ZNF276: variants seen among roughly 807,000 people sequenced by gnomAD.
ZNF276 encodes centromere protein Z.
Under a neutral mutation model 63.9 loss-of-function variants are expected in ZNF276, and 59 were observed. The ratio of observed to expected loss-of-function variants is 0.92; its 90% confidence interval spans 0.75 to 1.15. The LOEUF (loss-of-function observed/expected upper bound fraction) is 1.15, where lower values mean the gene tolerates loss of function less well. Ranked by LOEUF, ZNF276 falls within the 50% of genes most tolerant of loss-of-function variation. The probability of loss-of-function intolerance (pLI) is 0.00; values close to 1 mark genes in which losing one functional copy is unlikely to be tolerated. For synonymous variants in ZNF276, 496 were observed against 348.4 expected (o/e 1.42, Z -4.72); for missense variants, 1,084 against 843.8 (o/e 1.28, Z -3.53).
Position 89,738,144 on chromosome 16 carries a change from G to C in ZNF276, c.1743G>C (p.Gln581His), listed in dbSNP as rs1220214389. 2 of 1,613,686 alleles carry C rather than the reference G, an allele frequency of 1.2e-6. No individual in the cohort carries two copies. ...VHMSMVHPLT[Q>H]TQDKALPLEA... ...TGTCCATGGTGCACCCGCTGACACA[G>C]ACCCAGGACAAGGCCCTGCCCCTGG... The change falls in exon 11 of 11, where the codon CAG becomes CAC. Residue 581 changes from glutamine (Q) to histidine (H), a missense_variant. Transcript: ENST00000443381.
In ZNF276 at chr16:89,739,215, A is replaced by T. The variant is rs745688750; in HGVS notation, c.*969A>T. On this transcript the variant is annotated 3_prime_UTR_variant, in exon 11 of 11. Coordinates refer to ENST00000443381, the MANE Select transcript of ZNF276 (RefSeq NM_001113525.2). ...AGCCACGAAGAGCTGGACCAGCTTC[A>T]AGTACATGTCCACAGCAACATGCAG... The T allele has an allele frequency of 3.7e-6, 6 of 1,614,152 alleles. No individual in the cohort carries two copies. The South Asian group carries it at 6.6e-5, about 18-fold the overall frequency.
intron 9 of ZNF276, among the ~76,000 whole-genome samples, chr16:89,734,417 C>T (rs1230545104): frequency 1.3e-5 from 2 of 152,180 alleles, no homozygotes; most frequent in African/African-American, 4.8e-5. Context: ...CCTCTGCCTC[C>T]CAGGTTCAAT....
At chr16:89,734,146 A>C in intron 9 of ZNF276, 108 bp downstream of exon 9, 1 of 1,025,872 alleles carries the variant, frequency 9.7e-7, no homozygotes, top group South Asian at 1.5e-5. Context: ...GGGTGCGTGA[A>C]GGTGGCTCAT....
At position 89,723,649 on chromosome 16, in the gene ZNF276, G is replaced by T; in HGVS notation, c.946G>T (p.Ala316Ser). ...DVAQPPSDSD[A>S]VGPRSGFPPQ... ...GGCCCAGCCTCCTTCGGACAGCGAC[G>T]CGGTGGGGCCCAGGTCGGGCTTCCC... Residue 316 changes from alanine to serine, a missense_variant, in exon 4 of 11, where the codon GCG becomes TCG. By Grantham distance (99) the Ala-to-Ser change is moderately conservative. Coordinates refer to ENST00000443381, the MANE Select transcript of ZNF276 (RefSeq NM_001113525.2). The T allele has an allele frequency of 6.2e-7, 1 of 1,612,602 alleles. No individual in the cohort carries two copies. The highest frequency in any genetic ancestry group is 8.5e-7 in the Non-Finnish European group (1 of 1,179,982).
At chr16:89,730,442 G>C (rs1567574775) in intron 6 of ZNF276, among the ~76,000 whole-genome samples, 1 of 152,146 alleles carries the variant, frequency 6.6e-6, no homozygotes, top group Non-Finnish European at 1.5e-5. Context: ...GCTGGGAGCT[G>C]GGATGGGAGG....
In ZNF276 at chr16:89,739,017, G is replaced by C. The variant is rs748472421; in HGVS notation, c.*771G>C. 2.4e-5 allele frequency: 39 copies of C among 1,614,076 alleles called. No homozygotes were observed. Among genetic ancestry groups the C allele is most frequent in the Admixed American group, 3.3e-5 (2 of 60,014 alleles). On this transcript the variant is annotated 3_prime_UTR_variant, in exon 11 of 11. Coordinates refer to ENST00000443381, the MANE Select transcript of ZNF276 (RefSeq NM_001113525.2). ...AAACTCACAGGTTAGAAGACATACAGAAACAGGGCTGGTGTGTCCCCCATA... is the reference window on the plus strand; with the variant it reads ...AAACTCACAGGTTAGAAGACATACACAAACAGGGCTGGTGTGTCCCCCATA...
intron 4 of ZNF276, among the ~76,000 whole-genome samples, chr16:89,724,742 G>A (rs1254239225): frequency 2.0e-5 from 3 of 152,202 alleles, no homozygotes; most frequent in Non-Finnish European, 4.4e-5. Context: ...GGGATTGTGA[G>A]TGTCACATCT....
chr16:89,737,747 C>T (rs966539728), intron 9 of ZNF276, 59 bp from the exon 10 acceptor site: 4 of 1,606,802 alleles, frequency 2.5e-6, no homozygotes, highest in Admixed American at 3.3e-5. Flanking sequence ...TTGTCATCGT[C>T]GTCCCCCCGG....
chr16:89,729,863 C>T (rs1448912414), intron 6 of ZNF276, among the ~76,000 whole-genome samples: 1 of 152,158 alleles, frequency 6.6e-6, no homozygotes, highest in Non-Finnish European at 1.5e-5. Context: ...TTTTTATTTT[C>T]TCTCTTCAGT....
rs1203976273 is a variant in ZNF276 at position 89,722,595 on chromosome 16, C to T, written c.270C>T (p.Ser90=). The T allele has an allele frequency of 9.9e-6, 16 of 1,612,104 alleles. No homozygotes were observed. The highest frequency in any genetic ancestry group is 5.3e-5 in the African/African-American group (4 of 74,960). The part of the protein sequence containing the change: ...RLCHGKFSSR[S]LRSISERAPG... ...GCCACGGGAAGTTTTCCTCGAGAAGCCTGCGCAGCATCTCCGAGAGGGCGC... is the reference window on the plus strand; with the variant it reads ...GCCACGGGAAGTTTTCCTCGAGAAGTCTGCGCAGCATCTCCGAGAGGGCGC... Residue 90 remains serine (S), a synonymous_variant, in exon 2 of 11, where the codon AGC becomes AGT. Transcript: ENST00000443381.
At position 89,737,830 on chromosome 16, in the gene ZNF276, A is replaced by C; in HGVS notation, c.1499A>C (p.Glu500Ala). 1 of 1,614,160 alleles carries C rather than the reference A, an allele frequency of 6.2e-7. No homozygotes were observed. The highest frequency in any genetic ancestry group is 8.5e-7 in the Non-Finnish European group (1 of 1,180,034). The change falls in exon 10 of 11, where the codon GAA becomes GCA. Residue 500 changes from glutamate (E) to alanine (A), a missense_variant. By Grantham distance (107) the Glu-to-Ala change is moderately radical (BLOSUM62 -1). Transcript: ENST00000443381. ...HTEVRNYICD[E>A]CGQTFKQRKH... ...GAGGTGCGGAACTATATCTGTGACG[A>C]ATGTGGACAAACCTTCAAGCAGCGG...
chr16:89,720,673 C>A, upstream of ZNF276: 1 of 1,266,494 alleles, frequency 7.9e-7, no homozygotes, highest in Non-Finnish European at 9.9e-7. Flanking sequence ...AAGTCTCCAG[C>A]CCGAGCCGGC....
rs577018839 is a variant in ZNF276 at position 89,730,592 on chromosome 16, C to T, written c.1169+1274C>T. Reference sequence around the variant, plus strand: ...GGGACCCCAGGAGTGCAGACAAAGACGTGCTTTGGAACAGAGACACGGGAG... The same window carrying T: ...GGGACCCCAGGAGTGCAGACAAAGATGTGCTTTGGAACAGAGACACGGGAG... On this transcript the variant is annotated intron_variant, in intron 6 of 10. Coordinates refer to ENST00000443381, the MANE Select transcript of ZNF276 (RefSeq NM_001113525.2). Among the ~76,000 whole-genome samples, 32 of 152,320 alleles carry T rather than the reference C, an allele frequency of 2.1e-4. No individual in the cohort carries two copies. In the East Asian group the frequency reaches 2.9e-3, roughly 14 times the overall value.
chr16:89,740,299 A>AC lies in ZNF276; in HGVS notation c.*2056dup. On this transcript the variant is annotated 3_prime_UTR_variant, in exon 11 of 11. Coordinates refer to ENST00000443381, the MANE Select transcript of ZNF276 (RefSeq NM_001113525.2). ...AGGTAGGAGGCCAGGGACTTCGAGC[A>AC]CCCACACCAAGGCTGCTGCACCACG... 1 of 600,880 alleles carries AC rather than the reference A, an allele frequency of 1.7e-6. No homozygotes were observed. Among genetic ancestry groups the AC allele is most frequent in the Non-Finnish European group, 3.0e-6 (1 of 335,180 alleles). 37.2% of individuals were successfully genotyped at this position (600,880 alleles called of 1,614,324 possible). A position where few individuals can be genotyped will look rare whatever the true frequency, so the allele number is the denominator to read the frequency against.
chr16:89,731,306 T>G (rs1464345637), intron 6 of ZNF276, among the ~76,000 whole-genome samples: 1 of 152,226 alleles, frequency 6.6e-6, no homozygotes, highest in Admixed American at 6.5e-5. Context: ...CAGACTGGAG[T>G]GCAGTGGCAC....
chr16:89,733,019 T>C, intron 6 of ZNF276: 1 of 296,646 alleles, frequency 3.4e-6, no homozygotes, highest in South Asian at 3.1e-5. Context: ...CGCCCTCTGC[T>C]GTGTTTGCCC....
rs1597959566 is a variant in ZNF276, at chr16:89,722,431, A to G, written c.206-100A>G. The G allele has an allele frequency of 2.2e-6, 3 of 1,377,244 alleles. No homozygotes were observed. The East Asian group carries it at 7.0e-5, about 32-fold the overall frequency. The allele number at this position is 1,377,244 out of a possible 1,614,324, so 85.3% of individuals were successfully genotyped here. A position where few individuals can be genotyped will look rare whatever the true frequency, so the allele number is the denominator to read the frequency against. On this transcript the variant is annotated intron_variant, in intron 1 of 10. Transcript: ENST00000443381. The stretch of plus-strand genomic sequence containing the variant: ...GCTTGCTGTGTCCGGGAGCCGCGCG[A>G]AGGGCGCTGCAGGCGCTGCCCTCGG...
chr16:89,738,985 A>G lies in ZNF276; in HGVS notation c.*739A>G, dbSNP rs753475025. ...TTCCACGGGGTTGCCCTAGAGAGAAAACAGGCAAACTCACAGGTTAGAAGA... is the reference window on the plus strand; with the variant it reads ...TTCCACGGGGTTGCCCTAGAGAGAAGACAGGCAAACTCACAGGTTAGAAGA... On this transcript the variant is annotated 3_prime_UTR_variant, in exon 11 of 11. Coordinates refer to ENST00000443381, the MANE Select transcript of ZNF276 (RefSeq NM_001113525.2). 9.9e-6 allele frequency: 16 copies of G among 1,614,090 alleles called. No individual in the cohort carries two copies. Among genetic ancestry groups the G allele is most frequent in the Non-Finnish European group, 1.2e-5 (14 of 1,180,052 alleles).
At chr16:89,727,462 C>G in intron 5 of ZNF276, 105 bp downstream of exon 5, 5 of 1,355,924 alleles carry the variant, frequency 3.7e-6, no homozygotes, top group Non-Finnish European at 5.1e-6. Context: ...CCTAAAATTT[C>G]TCCTTCAAAA....
Sources: gnomAD v4.1 joint callset for allele counts (sites outside exome capture counted in the v4.1 genomes callset) on GRCh38, gnomAD v4.1.1 for gene constraint, MANE v1.5 for transcripts, NCBI Gene and HGNC (gene_info 2026-07-23, HGNC 2026-07-21) for gene names.